The following JPH2 variants were observed in gnomAD, a reference collection of about 807,000 sequenced individuals.
The protein encoded by JPH2 is junctophilin 2.
A neutral mutation model predicts 55.9 loss-of-function variants in JPH2; 38 were observed. The observed-to-expected ratio is 0.68, with a 90% CI of 0.52 to 0.89. JPH2 has a LOEUF of 0.89. Among genes scored for constraint, JPH2 ranks in the 40% least tolerant of loss-of-function variants. The pLI is 0.00. For synonymous variants in JPH2, 480 were observed against 472.4 expected (o/e 1.02, Z -0.21); for missense variants, 964 against 1,037.6 (o/e 0.93, Z 0.97).
chr20:44,115,939 G>A lies in JPH2; in HGVS notation c.1736C>T (p.Pro579Leu), dbSNP rs953353202. ...GGGCTCGGGCTGGTCCTCAAAGGGTGGGGGCTCGGGCGGCGTGGTGCGCAC... is the reference window on the plus strand; with the variant it reads ...GGGCTCGGGCTGGTCCTCAAAGGGTAGGGGCTCGGGCGGCGTGGTGCGCAC... ...YAVRTTPPEP[P>L]PFEDQPEPEV... Residue 579 changes from proline (P) to leucine (L), a missense_variant, in exon 4 of 6, where the codon CCA becomes CTA. Transcript: ENST00000372980. The A allele has an allele frequency of 1.0e-5, 16 of 1,568,946 alleles. No individual in the cohort carries two copies. The Admixed American group carries it at 1.3e-4, about 12-fold the overall frequency.
intron 1 of JPH2, among the ~76,000 whole-genome samples, chr20:44,169,903 C>CTGTG (rs898645179): frequency 2.0e-5 from 3 of 152,266 alleles, no homozygotes; most frequent in African/African-American, 7.2e-5. Flanking sequence ...ACATGACACC[C>CTGTG]TGTGCCACCT....
intron 1 of JPH2, among the ~76,000 whole-genome samples, chr20:44,162,578 C>T (rs972999790): frequency 1.3e-5 from 2 of 151,450 alleles, no homozygotes; most frequent in Non-Finnish European, 2.9e-5. Flanking sequence ...GGCTTAGCCT[C>T]CCAGCCTACA....
At chr20:44,182,335 C>T (rs958958535) in intron 1 of JPH2, among the ~76,000 whole-genome samples, 2 of 152,158 alleles carry the variant, frequency 1.3e-5, no homozygotes, top group Admixed American at 6.5e-5. Context: ...GAGAGTTACA[C>T]CTCGTGTGTG....
In JPH2 at chr20:44,110,355, C is replaced by T. The variant is rs1481988721; in HGVS notation, c.*3163G>A. Among the ~76,000 whole-genome samples, 3 of 152,168 alleles carry T rather than the reference C, an allele frequency of 2.0e-5. No homozygotes were observed. The highest frequency in any genetic ancestry group is 4.8e-5 in the African/African-American group (2 of 41,440). The stretch of plus-strand genomic sequence containing the variant: ...TCCCTCCCCATTTCCACTCCCACCT[C>T]CCCTCCTGTGCTTCCTCCAAGCCCA... On this transcript the variant is annotated 3_prime_UTR_variant, in exon 6 of 6. Transcript: ENST00000372980.
rs60905331 is a variant in JPH2, at chr20:44,153,526, G to A, written c.1169+6092C>T. Among the ~76,000 whole-genome samples, 558 of 152,314 alleles carry A rather than the reference G, an allele frequency of 3.7e-3. 6 individuals are homozygous for A. The highest frequency in any genetic ancestry group is 0.027 in the East Asian group (139 of 5,188). On this transcript the variant is annotated intron_variant, in intron 2 of 5. Transcript: ENST00000372980. ...ATCAGCTTCGGAGTTTCCAGAGCCA[G>A]CATGGGGAGGAGATGGAGGTGGGGG...
chr20:44,180,640 G>C (rs1416319729), intron 1 of JPH2, among the ~76,000 whole-genome samples: 2 of 152,140 alleles, frequency 1.3e-5, no homozygotes, highest in Non-Finnish European at 1.5e-5. Flanking sequence ...TCAACTTTGG[G>C]CTTGATTCTT....
intron 3 of JPH2, among the ~76,000 whole-genome samples, chr20:44,118,111 C>G (rs1285221384): frequency 6.6e-6 from 1 of 152,156 alleles, no homozygotes. Context: ...ACTTATGTAA[C>G]CCCAGAGCCT....
rs534564006 is a variant in JPH2 at position 44,128,700 on chromosome 20, T to C, written c.1170-10077A>G. On this transcript the variant is annotated intron_variant, in intron 2 of 5. Transcript: ENST00000372980. ...TCTTTTTCTTTTTAACATTTTTTTT[T>C]TAAAGATACAGAGTCTCGCTCTGTT... 4.7e-5 allele frequency among the ~76,000 whole-genome samples: 7 copies of C among 150,220 alleles called. No homozygotes were observed. The East Asian group carries it at 1.3e-3, about 29-fold the overall frequency.
chr20:44,156,419 A>C (rs1379960189), intron 2 of JPH2, among the ~76,000 whole-genome samples: 1 of 152,198 alleles, frequency 6.6e-6, no homozygotes, highest in Non-Finnish European at 1.5e-5. Context: ...AGGTTTAGAC[A>C]ATAAATTATA....
chr20:44,121,228 T>C (rs767492347), intron 2 of JPH2, among the ~76,000 whole-genome samples: 2 of 152,036 alleles, frequency 1.3e-5, no homozygotes, highest in Non-Finnish European at 2.9e-5. Flanking sequence ...ATGAGCCAGG[T>C]AGACAGAAGG....
chr20:44,186,304 T>C (rs1233076090), intron 1 of JPH2, 23 bp downstream of exon 1: 1 of 1,604,668 alleles, frequency 6.2e-7, no homozygotes. Flanking sequence ...ACCCCACCTC[T>C]GCGGGCCCCC....
rs2072211438 is a variant in JPH2, at chr20:44,118,595, C to T, written c.1198G>A (p.Ala400Thr). 1.9e-6 allele frequency: 3 copies of T among 1,611,904 alleles called. No homozygotes were observed. Among genetic ancestry groups the T allele is most frequent in the African/African-American group, 2.7e-5 (2 of 74,938 alleles). ...GCAGCCAGGGCGGCCTGTTCCGCTG[C>T]CTCAGCTTTGGCCTTGGCGTGGCTT... ...RTSHAKAKAE[A>T]AEQAALAANQ... Residue 400 changes from alanine to threonine, a missense_variant, in exon 3 of 6, where the codon GCA becomes ACA. Transcript: ENST00000372980.
At chr20:44,158,781 G>A (rs964530090) in intron 2 of JPH2, among the ~76,000 whole-genome samples, 8 of 152,160 alleles carry the variant, frequency 5.3e-5, no homozygotes, top group Non-Finnish European at 7.3e-5. Context: ...ATGACCAGGC[G>A]GGTGGGTGGG....
intron 2 of JPH2, among the ~76,000 whole-genome samples, chr20:44,137,930 A>ATGATAGG (rs1159596381): frequency 1.3e-5 from 2 of 152,170 alleles, no homozygotes; most frequent in Non-Finnish European, 2.9e-5. Flanking sequence ...AGGACCAAGA[A>ATGATAGG]TGATAGGTGG....
chr20:44,115,564 G>T, intron 4 of JPH2, 101 bp downstream of exon 4: 2 of 1,489,288 alleles, frequency 1.3e-6, no homozygotes, highest in Non-Finnish European at 1.8e-6. Context: ...TCGGTCTCTC[G>T]CACCCCAGCA....
chr20:44,182,061 C>A (rs2072788528), intron 1 of JPH2, among the ~76,000 whole-genome samples: 1 of 152,190 alleles, frequency 6.6e-6, no homozygotes, highest in South Asian at 2.1e-4. Context: ...CAGGAGAAGT[C>A]TTTTGAGAGA....
At chr20:44,182,895 G>T (rs2072797370) in intron 1 of JPH2, among the ~76,000 whole-genome samples, 1 of 152,142 alleles carries the variant, frequency 6.6e-6, no homozygotes, top group Non-Finnish European at 1.5e-5. Flanking sequence ...CTGGTTGCAT[G>T]AATGAATGAA....
rs747464638 is a variant in JPH2 at position 44,160,446 on chromosome 20, C to T, written c.380-39G>A. 1.2e-5 allele frequency: 19 copies of T among 1,589,114 alleles called. No homozygotes were observed. Among genetic ancestry groups the T allele is most frequent in the East Asian group, 2.3e-5 (1 of 43,850 alleles). On this transcript the variant is annotated intron_variant, in intron 1 of 5. Coordinates refer to ENST00000372980, the MANE Select transcript of JPH2 (RefSeq NM_020433.5). The surrounding 1 kb of genome is among the most constrained non-coding windows in gnomAD (Gnocchi z 4.9). ...GAGGGCGCGTCAGTAGGCGGCACGA[C>T]GGGTCCCCGCGTGTGCACGGTGGCC... is the stretch of plus-strand genomic sequence containing the variant.
At chr20:44,114,083 G>A (rs1490176217) in intron 5 of JPH2, among the ~76,000 whole-genome samples, 2 of 152,184 alleles carry the variant, frequency 1.3e-5, no homozygotes, top group East Asian at 1.9e-4. Flanking sequence ...GTTCCAGCAG[G>A]GGGAAGATTT....
Sources: allele counts gnomAD v4.1 joint callset (sites outside exome capture counted in the v4.1 genomes callset), GRCh38; gene constraint gnomAD v4.1.1; non-coding constraint Gnocchi (gnomAD v3.1); transcripts MANE v1.5; gene names NCBI Gene and HGNC (gene_info 2026-07-23, HGNC 2026-07-21).